The following HHLA1 variants were observed in gnomAD, a reference collection of about 807,000 sequenced individuals.
The protein encoded by HHLA1 is HERV-H LTR-associating protein 1.
Under a neutral mutation model 69.9 loss-of-function variants are expected in HHLA1, and 72 were observed. The ratio of observed to expected loss-of-function variants is 1.03; its 90% CI spans 0.85 to 1.25. The LOEUF (loss-of-function observed/expected upper bound fraction) is 1.25. HHLA1 is among the 50% of genes most tolerant of loss of function. The probability of loss-of-function intolerance (pLI) is 0.00; values close to 1 mark genes in which losing one functional copy is unlikely to be tolerated. For missense variants in HHLA1, 685 were observed against 642.2 expected (o/e 1.07, Z -0.72); for synonymous variants, 252 against 233.2 (o/e 1.08, Z -0.73).
In HHLA1 at chr8:132,080,328, G is replaced by A. The variant is rs113023533; in HGVS notation, c.677-362C>T. The A allele has an allele frequency of 4.2e-3, 1,518 of 358,948 alleles. 23 individuals are homozygous for A. Among genetic ancestry groups the A allele is most frequent in the African/African-American group, 0.03 (1,385 of 46,336 alleles). The allele number at this position is 358,948 out of a possible 1,614,324, so 22.2% of individuals were successfully genotyped here. A position where few individuals can be genotyped will look rare whatever the true frequency, so the allele number is the denominator to read the frequency against. ...ACCTGGGTGCAGGCGGGCTGAGTCC[G>A]AAAAGAGAGTCAGTGAAGGGAGATA... On this transcript the variant is annotated intron_variant, in intron 10 of 16. Coordinates refer to ENST00000414222, the MANE Select transcript of HHLA1 (RefSeq NM_001145095.3).
At chr8:132,098,586 C>T (rs759519848) in intron 5 of HHLA1, among the ~76,000 whole-genome samples, 14 of 152,050 alleles carry the variant, frequency 9.2e-5, no homozygotes, top group East Asian at 1.9e-4. Context: ...CTCAGCCTCC[C>T]GAGTAGCTGG....
At chr8:132,081,347 G>A (rs1163346985) in intron 10 of HHLA1, among the ~76,000 whole-genome samples, 4 of 152,154 alleles carry the variant, frequency 2.6e-5, no homozygotes, top group Admixed American at 2.0e-4. Flanking sequence ...GTAGCATTCC[G>A]AGGACAGGCC....
intron 10 of HHLA1, among the ~76,000 whole-genome samples, chr8:132,082,199 A>C (rs956263918): frequency 3.3e-5 from 5 of 152,232 alleles, no homozygotes; most frequent in African/African-American, 1.2e-4. Flanking sequence ...AGCAGAAAGT[A>C]TATGCATCAG....
chr8:132,064,108 A>G, intron 16 of HHLA1, 70 bp from the exon 17 acceptor site: 1 of 1,015,990 alleles, frequency 9.8e-7, no homozygotes, highest in Admixed American at 2.5e-5. Context: ...CATAAATTAA[A>G]CCCTGATGTC....
At chr8:132,077,068 C>T (rs1387780788) in intron 12 of HHLA1, among the ~76,000 whole-genome samples, 8 of 151,984 alleles carry the variant, frequency 5.3e-5, no homozygotes, top group African/African-American at 1.5e-4. Context: ...TGGCCTCTGG[C>T]GAAACCAGCA....
chr8:132,098,917 T>C lies in HHLA1; in HGVS notation c.245A>G (p.Glu82Gly), dbSNP rs1334286771. Residue 82 changes from glutamate (E) to glycine (G), a missense_variant, in exon 5 of 17, where the codon GAG (glutamate) becomes GGG (glycine). Coordinates refer to ENST00000414222, the MANE Select transcript of HHLA1 (RefSeq NM_001145095.3). ...SIDLSALNLT[E>G]LVNGMLSRAL... ...TCTACTGAGCATCCCATTCACAAGC[T>C]CTGTCAGGTTAAGCGCGGACAGATC... 6.4e-7 allele frequency: 1 copy of C among 1,551,452 alleles called. No homozygotes were observed. Among genetic ancestry groups the C allele is most frequent in the Non-Finnish European group, 8.7e-7 (1 of 1,146,732 alleles).
chr8:132,069,415 C>T (rs1045912783), intron 15 of HHLA1, among the ~76,000 whole-genome samples: 35 of 152,092 alleles, frequency 2.3e-4, no homozygotes, highest in African/African-American at 8.2e-4. Context: ...AGCAAACATA[C>T]TGAGTAATGC....
At chr8:132,104,025 C>T (rs1211974347) in intron 3 of HHLA1, 83 bp downstream of exon 3, 1 of 875,006 alleles carries the variant, frequency 1.1e-6, no homozygotes, top group Non-Finnish European at 1.9e-6. Context: ...GCTGTCTTAT[C>T]AGTAGAGAAA....
intron 1 of HHLA1, among the ~76,000 whole-genome samples, chr8:132,107,600 G>A (rs1408869625): frequency 6.6e-6 from 1 of 152,086 alleles, no homozygotes; most frequent in Non-Finnish European, 1.5e-5. Context: ...GCGCTTGGCC[G>A]ACATGCTAAG....
intron 1 of HHLA1, among the ~76,000 whole-genome samples, chr8:132,107,528 G>A (rs2436101): frequency 0.3 from 45,054 of 151,842 alleles, 7,176 homozygotes; most frequent in Non-Finnish European, 0.36. Flanking sequence ...CTCGACTCCC[G>A]ACCTCAGATG....
chr8:132,063,825 A>G lies in HHLA1; in HGVS notation c.*170T>C. 3.8e-6 allele frequency: 1 copy of G among 261,384 alleles called. No homozygotes were observed. 16.2% of individuals were successfully genotyped at this position (261,384 alleles called of 1,614,324 possible). On this transcript the variant is annotated 3_prime_UTR_variant, in exon 17 of 17. Coordinates refer to ENST00000414222, the MANE Select transcript of HHLA1 (RefSeq NM_001145095.3). The stretch of plus-strand genomic sequence containing the variant: ...TACCTTCAATGTTTTGCACAGATTC[A>G]CAGGAGAGGGAAAAAAAATGCTACT...
intron 5 of HHLA1, among the ~76,000 whole-genome samples, chr8:132,096,970 C>T (rs1046944530): frequency 3.3e-5 from 5 of 152,110 alleles, no homozygotes; most frequent in East Asian, 1.9e-4. Context: ...CCACTGTGCC[C>T]GGTCTCAGGT....
intron 8 of HHLA1, among the ~76,000 whole-genome samples, chr8:132,089,239 C>T (rs1417662484): frequency 1.2e-4 from 19 of 152,152 alleles, no homozygotes; most frequent in Admixed American, 1.2e-3. Context: ...TATCTACTCA[C>T]CAGATGTTTT....
intron 14 of HHLA1, among the ~76,000 whole-genome samples, chr8:132,072,032 G>A (rs1460055596): frequency 6.6e-6 from 1 of 152,140 alleles, no homozygotes; most frequent in Non-Finnish European, 1.5e-5. Context: ...GTGCAAAAAG[G>A]AGAGAAAGAA....
In HHLA1 at chr8:132,101,321, C is replaced by T. The variant is rs775914752; in HGVS notation, c.140-1187G>A. ...TAAAATAGTAACCTGAAAGTACAGC[C>T]TCAAACAGTTCATAACATCCTTAGA... On this transcript the variant is annotated intron_variant, in intron 3 of 16. Transcript: ENST00000414222. The T allele has an allele frequency of 1.4e-5, 21 of 1,542,194 alleles. No individual in the cohort carries two copies. The South Asian group carries it at 2.2e-4, about 16-fold the overall frequency.
intron 10 of HHLA1, chr8:132,085,416 T>C (rs1823843512): frequency 2.7e-6 from 1 of 369,032 alleles, no homozygotes; most frequent in East Asian, 1.3e-4. Flanking sequence ...GGATTTGAAA[T>C]TGGTGAGATG....
chr8:132,080,563 A>G (rs1462532097), intron 10 of HHLA1: 2 of 190,044 alleles, frequency 1.1e-5, no homozygotes, highest in Non-Finnish European at 2.2e-5. Context: ...GTGGAATGTC[A>G]TCAGTTAAGG....
intron 4 of HHLA1, 90 bp downstream of exon 4, chr8:132,099,985 G>A (rs776318118): frequency 6.4e-5 from 59 of 915,178 alleles, no homozygotes; most frequent in South Asian, 2.9e-4. Context: ...TGACGTTCTC[G>A]CCACTGTGGG....
chr8:132,098,905 C>T lies in HHLA1; in HGVS notation c.257G>A (p.Gly86Glu). 1 of 1,550,774 alleles carries T rather than the reference C, an allele frequency of 6.4e-7. No individual in the cohort carries two copies. Among genetic ancestry groups the T allele is most frequent in the Non-Finnish European group, 8.7e-7 (1 of 1,146,188 alleles). The stretch of plus-strand genomic sequence containing the variant: ...ACCTTTTAACGCTCTACTGAGCATC[C>T]CATTCACAAGCTCTGTCAGGTTAAG... Reference protein sequence around the residue: ...SALNLTELVNGMLSRALKDSK... With the variant: ...SALNLTELVNEMLSRALKDSK... Residue 86 changes from glycine (G) to glutamate (E), a missense_variant, in exon 5 of 17, where the codon GGG becomes GAG. Gly to Glu is a moderately conservative substitution (Grantham distance 98, BLOSUM62 -2). Transcript: ENST00000414222.
Sources: allele counts gnomAD v4.1 joint callset (sites outside exome capture counted in the v4.1 genomes callset), GRCh38; gene constraint gnomAD v4.1.1; transcripts MANE v1.5; gene names NCBI Gene and HGNC (gene_info 2026-07-23, HGNC 2026-07-21).